The following ENDOU variants were observed in gnomAD, a reference collection of about 807,000 sequenced individuals.
The protein encoded by ENDOU is uridylate-specific endoribonuclease.
ENDOU carries 49 observed loss-of-function variants against 54.2 expected under a neutral mutation model. The ratio of observed to expected loss-of-function variants is 0.90; its 90% CI spans 0.72 to 1.15. The LOEUF is 1.15. Among genes scored for constraint, ENDOU ranks in the 50% most tolerant of loss-of-function variants. The pLI is 0.00. For missense variants in ENDOU, 458 were observed against 511.4 expected, an observed-to-expected ratio of 0.90 and a Z score of 1.01; for synonymous variants, 172 against 190.5, an observed-to-expected ratio of 0.90 and a Z score of 0.80.
chr12:47,720,099 T>G (rs1299460662), intron 2 of ENDOU: 1 of 152,346 alleles, frequency 6.6e-6, no homozygotes, highest in African/African-American at 2.4e-5. Context: ...TGGCTTGACA[T>G]CAAGGCTTTG....
chr12:47,713,419 G>T, intron 6 of ENDOU, 31 bp from the exon 7 acceptor site: 1 of 1,532,744 alleles, frequency 6.5e-7, no homozygotes, highest in Non-Finnish European at 9.0e-7. Flanking sequence ...TTTTGGAGAG[G>T]GGAGGCAGGG....
intron 1 of ENDOU, among the ~76,000 whole-genome samples, chr12:47,723,398 A>G (rs1940494766): frequency 1.3e-5 from 2 of 152,092 alleles, no homozygotes; most frequent in Non-Finnish European, 2.9e-5. Context: ...AACTCACTCC[A>G]GCATCCCCAC....
At position 47,712,543 on chromosome 12, in the gene ENDOU, G is replaced by C. The variant is rs371618578; in HGVS notation, c.945C>G (p.Asp315Glu). 1.2e-6 allele frequency: 2 copies of C among 1,614,106 alleles called. No individual in the cohort carries two copies. The highest frequency in any genetic ancestry group is 1.7e-6 in the Non-Finnish European group (2 of 1,179,960). The stretch of plus-strand genomic sequence containing the variant: ...GCCCATCGTAGATGTGACTGTAATA[G>C]TCAACCAGACCCTCCTTCTCCTCCA... ...FYLEEKEGLVDYYSHIYDGPW... is the reference protein window; with the variant it reads ...FYLEEKEGLVEYYSHIYDGPW... The change falls in exon 8 of 10, where the codon GAC becomes GAG. Residue 315 changes from aspartate (D) to glutamate (E), a missense_variant. Coordinates refer to ENST00000422538, the MANE Select transcript of ENDOU (RefSeq NM_001172439.2).
intron 2 of ENDOU, chr12:47,719,989 C>T (rs2238145): frequency 0.87 from 132,312 of 152,244 alleles, 57,606 homozygotes; most frequent in East Asian, 0.97. Flanking sequence ...GGTTCCCTTG[C>T]ACAACGCACA....
chr12:47,710,651 C>A lies in ENDOU; in HGVS notation c.*151G>T. 1 of 654,592 alleles carries A rather than the reference C, an allele frequency of 1.5e-6. No homozygotes were observed. 40.5% of individuals were successfully genotyped at this position (654,592 alleles called of 1,614,324 possible). A position where few individuals can be genotyped will look rare whatever the true frequency, so the allele number is the denominator to read the frequency against. On this transcript the variant is annotated 3_prime_UTR_variant, in exon 10 of 10. Coordinates refer to ENST00000422538, the MANE Select transcript of ENDOU (RefSeq NM_001172439.2). Reference sequence around the variant, plus strand: ...TCTAATTTGTACATTTTATCTCTTTCCCATGTGGGCACTTTGGGATTTAGG... The same window carrying A: ...TCTAATTTGTACATTTTATCTCTTTACCATGTGGGCACTTTGGGATTTAGG...
At chr12:47,722,445 A>G (rs1940463997) in intron 1 of ENDOU, among the ~76,000 whole-genome samples, 1 of 152,230 alleles carries the variant, frequency 6.6e-6, no homozygotes, top group South Asian at 2.1e-4. Context: ...AATGGAGCCT[A>G]TCTCATAGAA....
intron 2 of ENDOU, chr12:47,719,762 G>T (rs1398322548): frequency 1.3e-5 from 2 of 152,070 alleles, no homozygotes; most frequent in East Asian, 3.8e-4. Context: ...CTTCATAGCA[G>T]TATGAAAATG....
At chr12:47,721,972 G>A (rs545236905) in intron 1 of ENDOU, among the ~76,000 whole-genome samples, 61 of 152,284 alleles carry the variant, frequency 4.0e-4, no homozygotes, top group Middle Eastern at 3.4e-3. Flanking sequence ...GGGTTAGTTA[G>A]GTTAAGAACT....
Position 47,717,604 on chromosome 12 carries a change from T to G in ENDOU, c.296A>C (p.Asp99Ala). 1 of 1,614,128 alleles carries G rather than the reference T, an allele frequency of 6.2e-7. No individual in the cohort carries two copies. The highest frequency in any genetic ancestry group is 8.5e-7 in the Non-Finnish European group (1 of 1,180,018). The change falls in exon 4 of 10, where the codon GAC becomes GCC. Residue 99 changes from aspartate (D) to alanine (A), a missense_variant. Physicochemically the swap from Asp to Ala is moderately radical, Grantham distance 126 (BLOSUM62 -2). Coordinates refer to ENST00000422538, the MANE Select transcript of ENDOU (RefSeq NM_001172439.2). ...ATTGCAGTGACATTGGTGGTGCTTG[T>G]CAAAGGCTTCGTAGCAGCGGCCCTG... ...SCQGRCYEAF[D>A]KHHQCHCNAR...
chr12:47,711,633 A>C lies in ENDOU; in HGVS notation c.1115T>G (p.Val372Gly). ...CAGGCCTGGCTGGCCCCATTCTTAC[A>C]CTTTGCCTGGCCTGGCGATGAAGCA... Reference protein sequence around the residue: ...SLCFIARPGKVCQLSLGGYPL... With the variant: ...SLCFIARPGKGCQLSLGGYPL... The change falls in exon 9 of 10, where the codon GTG becomes GGG. Residue 372 changes from valine (V) to glycine (G), a missense_variant and splice_region_variant. Coordinates refer to ENST00000422538, the MANE Select transcript of ENDOU (RefSeq NM_001172439.2). 6.2e-7 allele frequency: 1 copy of C among 1,613,024 alleles called. No homozygotes were observed. Among genetic ancestry groups the C allele is most frequent in the Non-Finnish European group, 8.5e-7 (1 of 1,179,704 alleles).
intron 1 of ENDOU, among the ~76,000 whole-genome samples, chr12:47,723,133 C>G (rs1212046833): frequency 6.6e-6 from 1 of 152,152 alleles, no homozygotes. Flanking sequence ...GGGTTGCAAG[C>G]GAGCAGTCAG....
At chr12:47,712,281 G>A (rs961729707) in intron 8 of ENDOU, among the ~76,000 whole-genome samples, 7 of 152,086 alleles carry the variant, frequency 4.6e-5, no homozygotes, top group African/African-American at 9.7e-5. Flanking sequence ...CTCCCACCCC[G>A]ATATGGTGCC....
chr12:47,712,221 T>A (rs1592500370), intron 8 of ENDOU, among the ~76,000 whole-genome samples: 1 of 151,886 alleles, frequency 6.6e-6, no homozygotes, highest in Non-Finnish European at 1.5e-5. Context: ...AGGCAGGGAG[T>A]AATTACATAT....
chr12:47,712,415 C>T (rs764756489), intron 8 of ENDOU, 101 bp downstream of exon 8: 38 of 857,098 alleles, frequency 4.4e-5, no homozygotes, highest in Non-Finnish European at 6.4e-5. Flanking sequence ...CCTGGGGCTG[C>T]CCCCTGAGAG....
At chr12:47,723,270 T>G (rs750977637) in intron 1 of ENDOU, among the ~76,000 whole-genome samples, 17 of 152,218 alleles carry the variant, frequency 1.1e-4, no homozygotes, top group Non-Finnish European at 2.2e-4. Context: ...GCACTTAGTC[T>G]GCTTCAAGGT....
At chr12:47,712,370 C>T in intron 8 of ENDOU, 146 bp downstream of exon 8, 1 of 633,620 alleles carries the variant, frequency 1.6e-6, no homozygotes, top group Non-Finnish European at 2.8e-6. Flanking sequence ...GCTAAAGTGG[C>T]TGTCTAGCAG....
At chr12:47,723,079 G>A (rs879688386) in intron 1 of ENDOU, among the ~76,000 whole-genome samples, 2 of 152,194 alleles carry the variant, frequency 1.3e-5, no homozygotes, top group Non-Finnish European at 2.9e-5. Flanking sequence ...GCAGAGTCCA[G>A]GGAAAGAATT....
chr12:47,717,378 C>A lies in ENDOU; in HGVS notation c.382+140G>T, dbSNP rs967590523. ...TCCCTAGAGTTTCTAATTAAGTAGG[C>A]CCGGAGTGAAGCCCCAGAGTTTGTG... On this transcript the variant is annotated intron_variant, in intron 4 of 9. Transcript: ENST00000422538. 7 of 951,902 alleles carry A rather than the reference C, an allele frequency of 7.4e-6. No individual in the cohort carries two copies. The Middle Eastern group carries it at 9.5e-4, about 130-fold the overall frequency. The allele number at this position is 951,902 out of a possible 1,614,324, so 59.0% of individuals were successfully genotyped here.
chr12:47,722,411 T>C (rs1283890228), intron 1 of ENDOU, among the ~76,000 whole-genome samples: 1 of 152,222 alleles, frequency 6.6e-6, no homozygotes, highest in Non-Finnish European at 1.5e-5. Flanking sequence ...GCGTTGGTTT[T>C]CGTATCTGTA....
Sources: gnomAD v4.1 joint callset for allele counts (sites outside exome capture counted in the v4.1 genomes callset) on GRCh38, gnomAD v4.1.1 for gene constraint, MANE v1.5 for transcripts, NCBI Gene and HGNC (gene_info 2026-07-23, HGNC 2026-07-21) for gene names.